The following CBLB variants were observed in gnomAD, a reference collection of about 807,000 sequenced individuals.
CBLB encodes E3 ubiquitin-protein ligase CBL-B.
A neutral mutation model predicts 104.9 loss-of-function variants in CBLB; 31 were observed. The ratio of observed to expected loss-of-function variants is 0.30; its 90% confidence interval spans 0.22 to 0.40. The LOEUF (loss-of-function observed/expected upper bound fraction) is 0.40, where lower values mean the gene tolerates loss of function less well. Ranked by LOEUF, CBLB falls within the 10% of genes least tolerant of loss-of-function variation. The pLI is 1.00. For synonymous variants in CBLB, 440 were observed against 422.6 expected, an observed-to-expected ratio of 1.04 and a Z score of -0.51; for missense variants, 1,062 against 1,214.6, an observed-to-expected ratio of 0.87 and a Z score of 1.87.
chr3:105,658,285 T>C lies in CBLB; in HGVS notation c.*685A>G. The C allele has an allele frequency of 4.5e-6, 1 of 220,056 alleles. No homozygotes were observed. The highest frequency in any genetic ancestry group is 5.8e-5 in the Admixed American group (1 of 17,330). The allele number at this position is 220,056 out of a possible 1,614,324, so 13.6% of individuals were successfully genotyped here. A position where few individuals can be genotyped will look rare whatever the true frequency, so the allele number is the denominator to read the frequency against. ...TCCTCTATGTTATGTGAAAACCCCT[T>C]ACAAAAGGCAGTTTATTGACAAATA... On this transcript the variant is annotated 3_prime_UTR_variant, in exon 19 of 19. Coordinates refer to ENST00000394030, the MANE Select transcript of CBLB (RefSeq NM_170662.5).
chr3:105,768,475 C>T (rs1297037787), intron 4 of CBLB, among the ~76,000 whole-genome samples: 2 of 152,200 alleles, frequency 1.3e-5, no homozygotes, highest in Admixed American at 6.5e-5. Flanking sequence ...TATACTCATA[C>T]ATTCAACTAA....
Position 105,820,901 on chromosome 3 carries a change from C to A in CBLB, c.419+32513G>T, listed in dbSNP as rs138273043. 5.1e-3 allele frequency among the ~76,000 whole-genome samples: 779 copies of A among 151,944 alleles called. 6 individuals carry two copies. Among genetic ancestry groups the A allele is most frequent in the African/African-American group, 0.018 (739 of 41,442 alleles). The stretch of plus-strand genomic sequence containing the variant: ...TTTCTGTTCCTTTTTGTTCTTTACT[C>A]AAAATTTTAGTTTTATAAAAACTAA... On this transcript the variant is annotated intron_variant, in intron 3 of 18. Transcript: ENST00000394030.
chr3:105,721,838 A>C (rs1177890459), intron 9 of CBLB, among the ~76,000 whole-genome samples: 2 of 152,136 alleles, frequency 1.3e-5, no homozygotes, highest in East Asian at 1.9e-4. Flanking sequence ...AAGAGTATTA[A>C]ATTTAAAGTC....
At chr3:105,681,399 T>A in intron 16 of CBLB, 80 bp downstream of exon 16, 1 of 1,469,056 alleles carries the variant, frequency 6.8e-7, no homozygotes. Flanking sequence ...GTCTGTGTTA[T>A]ACTGAACTCT....
Position 105,845,393 on chromosome 3 carries a change from A to C in CBLB, c.419+8021T>G, listed in dbSNP as rs866921915. ...CATGGGGCTTAGAAAAAAAAAAAAA[A>C]ACTAAACTAAATAAATGAAATAAAT... On this transcript the variant is annotated intron_variant, in intron 3 of 18. Transcript: ENST00000394030. 1.5e-4 allele frequency among the ~76,000 whole-genome samples: 22 copies of C among 151,562 alleles called. No homozygotes were observed. In the South Asian group the frequency reaches 1.5e-3, roughly 10 times the overall value.
chr3:105,854,171 T>C (rs1439439674), intron 2 of CBLB, among the ~76,000 whole-genome samples: 2 of 152,184 alleles, frequency 1.3e-5, no homozygotes, highest in African/African-American at 2.4e-5. Flanking sequence ...AGTTATTAAG[T>C]AGTAAATGTG....
At chr3:105,763,335 T>C (rs1025663203) in intron 4 of CBLB, among the ~76,000 whole-genome samples, 8 of 152,288 alleles carry the variant, frequency 5.3e-5, no homozygotes, top group East Asian at 1.9e-4. Context: ...ACATGAGATA[T>C]GGGAGGGGCC....
At chr3:105,787,559 T>C (rs1056612325) in intron 3 of CBLB, among the ~76,000 whole-genome samples, 2 of 152,212 alleles carry the variant, frequency 1.3e-5, no homozygotes, top group African/African-American at 2.4e-5. Context: ...AAAATGTCTA[T>C]ATGCTTTAAG....
chr3:105,746,161 T>TA (rs2076081000), intron 5 of CBLB, 123 bp from the exon 6 acceptor site: 2 of 697,938 alleles, frequency 2.9e-6, no homozygotes, highest in Non-Finnish European at 4.8e-6. Context: ...AATCTGACCT[T>TA]ATGTGGTTTA....
chr3:105,720,119 C>T lies in CBLB; in HGVS notation c.1335G>A (p.Pro445=), dbSNP rs773229686. ...CCSIIDPFGM[P]MLDLDDDDDR... is the part of the protein sequence containing the mutation. ...CATCATCGTCGTCCAAGTCTAGCATCGGCATGCCAAAGGGGTCAATGATGC... is the reference window on the plus strand; with the variant it reads ...CATCATCGTCGTCCAAGTCTAGCATTGGCATGCCAAAGGGGTCAATGATGC... The change falls in exon 10 of 19, where the codon CCG becomes CCA. Residue 445 remains proline (P), a synonymous_variant. Coordinates refer to ENST00000394030, the MANE Select transcript of CBLB (RefSeq NM_170662.5). The T allele has an allele frequency of 6.8e-6, 11 of 1,613,886 alleles. No individual in the cohort carries two copies. In the African/African-American group the frequency reaches 1.1e-4, roughly 16 times the overall value.
intron 2 of CBLB, among the ~76,000 whole-genome samples, chr3:105,865,101 T>G (rs1467574741): frequency 3.3e-5 from 5 of 152,154 alleles, no homozygotes. Flanking sequence ...AGGGATTAAC[T>G]TCAGAACTAA....
intron 3 of CBLB, among the ~76,000 whole-genome samples, chr3:105,798,335 A>G (rs1455354794): frequency 1.3e-5 from 2 of 152,210 alleles, no homozygotes. Flanking sequence ...AAATATTATC[A>G]GTAGATTAAT....
chr3:105,751,611 C>G lies in CBLB; in HGVS notation c.574G>C (p.Val192Leu). ...WRKFFGDKTI[V>L]PWKVFRQCLH... ...CACTGTCTGAATACTTTCCATGGTA[C>G]GATAGTTCTGTGCAAGGTGGAAAAA... Residue 192 changes from valine (V) to leucine (L), a missense_variant, in exon 5 of 19, where the codon GTA (valine) becomes CTA (leucine). By Grantham distance (32) the Val-to-Leu change is conservative. Around this residue, in one of 2 missense-constraint regions of CBLB, gnomAD observed 457 missense variants for 632.0 expected, o/e 0.72. Coordinates refer to ENST00000394030, the MANE Select transcript of CBLB (RefSeq NM_170662.5). 1 of 1,612,958 alleles carries G rather than the reference C, an allele frequency of 6.2e-7. No individual in the cohort carries two copies. The highest frequency in any genetic ancestry group is 8.5e-7 in the Non-Finnish European group (1 of 1,179,162).
chr3:105,796,081 G>GA (rs1287758570), intron 3 of CBLB, among the ~76,000 whole-genome samples: 20 of 151,800 alleles, frequency 1.3e-4, no homozygotes, highest in Admixed American at 2.6e-4. Context: ...CACAGAATTA[G>GA]AAAAAAATCT....
chr3:105,665,442 T>TATATATAC (rs1182735970), intron 18 of CBLB, among the ~76,000 whole-genome samples: 45 of 67,110 alleles, frequency 6.7e-4, no homozygotes, highest in East Asian at 6.0e-3. Context: ...TATATATATA[T>TATATATAC]ACACACACAC....
chr3:105,729,883 G>A (rs984263160), intron 9 of CBLB, among the ~76,000 whole-genome samples: 6 of 152,026 alleles, frequency 3.9e-5, no homozygotes, highest in African/African-American at 1.4e-4. Flanking sequence ...AAACATTCCT[G>A]TTCATGCAAT....
At chr3:105,820,943 T>C (rs1335588263) in intron 3 of CBLB, among the ~76,000 whole-genome samples, 1 of 152,166 alleles carries the variant, frequency 6.6e-6, no homozygotes, top group Non-Finnish European at 1.5e-5. Context: ...AACATTTTAA[T>C]GGAAATTTGT....
At chr3:105,839,025 G>A (rs553939937) in intron 3 of CBLB, among the ~76,000 whole-genome samples, 1 of 152,260 alleles carries the variant, frequency 6.6e-6, no homozygotes, top group East Asian at 1.9e-4. Context: ...CCCCACCTGT[G>A]CCACCTCAAT....
Position 105,746,049 on chromosome 3 carries a change from A to G in CBLB, c.724-11T>C, listed in dbSNP as rs1457418079. The G allele has an allele frequency of 1.9e-6, 3 of 1,572,934 alleles. No homozygotes were observed. Among genetic ancestry groups the G allele is most frequent in the Non-Finnish European group, 2.6e-6 (3 of 1,143,838 alleles). On this transcript the variant is annotated splice_polypyrimidine_tract_variant and intron_variant, in intron 5 of 18. Transcript: ENST00000394030. ...AATAGAGCCCCAAGGCTAAAAAATA[A>G]AAAAATTAAAAGAGATTAGTATCTA...
Sources: allele counts gnomAD v4.1 joint callset (sites outside exome capture counted in the v4.1 genomes callset), GRCh38; gene constraint gnomAD v4.1.1; regional missense constraint gnomAD v4.1.1; transcripts MANE v1.5; gene names NCBI Gene and HGNC (gene_info 2026-07-23, HGNC 2026-07-21).